The following UBE2G1 variants were observed in gnomAD, a reference collection of about 807,000 sequenced individuals.
The protein encoded by UBE2G1 is ubiquitin-conjugating enzyme E2 G1.
Under a neutral mutation model 22.7 loss-of-function variants are expected in UBE2G1, and 5 were observed. The ratio of observed to expected loss-of-function variants is 0.22; its 90% CI spans 0.12 to 0.46. The LOEUF is 0.46. Among genes scored for constraint, UBE2G1 ranks in the 20% least tolerant of loss-of-function variants. The pLI is 0.99. For missense variants in UBE2G1, 88 were observed against 203.9 expected (o/e 0.43, Z 3.46); for synonymous variants, 74 against 67.5 (o/e 1.10, Z -0.47).
chr17:4,282,762 A>T, intron 5 of UBE2G1, 36 bp downstream of exon 5: 1 of 1,431,658 alleles, frequency 7.0e-7, no homozygotes, highest in East Asian at 2.4e-5. Context: ...GGATACTTAC[A>T]AAAAAACAAA....
At chr17:4,359,200 AACTT>A (rs1474415091) in intron 1 of UBE2G1, among the ~76,000 whole-genome samples, 1 of 152,216 alleles carries the variant, frequency 6.6e-6, no homozygotes, top group Non-Finnish European at 1.5e-5. Flanking sequence ...CTATTTGATA[AACTT>A]ACTTAAAAGC....
chr17:4,364,188 C>G (rs1970002736), intron 1 of UBE2G1: 2 of 143,864 alleles, frequency 1.4e-5, no homozygotes, highest in African/African-American at 5.1e-5. Flanking sequence ...CACTTGAACC[C>G]AGGAGGCAGA....
intron 1 of UBE2G1, among the ~76,000 whole-genome samples, chr17:4,343,435 C>T (rs890128596): frequency 1.3e-5 from 2 of 151,832 alleles, no homozygotes; most frequent in South Asian, 2.1e-4. Context: ...ACCCAGGAGG[C>T]GGAGGTTGCA....
chr17:4,281,540 C>T (rs1274627176), intron 5 of UBE2G1, among the ~76,000 whole-genome samples: 1 of 152,142 alleles, frequency 6.6e-6, no homozygotes, highest in African/African-American at 2.4e-5. Context: ...CCTCAACCCC[C>T]ACAAATCAAT....
intron 1 of UBE2G1, among the ~76,000 whole-genome samples, chr17:4,354,985 T>TAGGG (rs1337627000): frequency 6.6e-6 from 1 of 151,506 alleles, no homozygotes. Flanking sequence ...GTCCCAGCTA[T>TAGGG]AGGGAGGGAG....
intron 1 of UBE2G1, among the ~76,000 whole-genome samples, chr17:4,318,094 T>A (rs1390857570): frequency 2.0e-5 from 3 of 152,184 alleles, no homozygotes; most frequent in African/African-American, 4.8e-5. Flanking sequence ...ATTTTCCTTA[T>A]CAGTAAAGGA....
intron 1 of UBE2G1, among the ~76,000 whole-genome samples, chr17:4,312,673 G>T (rs1248721405): frequency 6.8e-6 from 1 of 147,226 alleles, no homozygotes; most frequent in African/African-American, 2.5e-5. Context: ...TCCAGCCTGG[G>T]CGATAGAGCA....
chr17:4,327,263 C>T (rs898151609), intron 1 of UBE2G1, among the ~76,000 whole-genome samples: 25 of 152,204 alleles, frequency 1.6e-4, no homozygotes, highest in African/African-American at 5.1e-4. Context: ...CGCCACTGCA[C>T]TCCAGCCTGG....
At chr17:4,358,968 AAAAAAAAAAAGG>A (rs1163355922) in intron 1 of UBE2G1, among the ~76,000 whole-genome samples, 1 of 147,942 alleles carries the variant, frequency 6.8e-6, no homozygotes, top group Non-Finnish European at 1.5e-5. Context: ...AATAAAATTA[AAAAAAAAAAAGG>A]AAAAAGAACT....
At chr17:4,294,415 C>CAAAAAA (rs68047533) in intron 3 of UBE2G1, among the ~76,000 whole-genome samples, 7 of 117,168 alleles carry the variant, frequency 6.0e-5, no homozygotes, top group African/African-American at 2.2e-4. Context: ...GACTCCGTCT[C>CAAAAAA]AAAAAAAAAA....
intron 1 of UBE2G1, among the ~76,000 whole-genome samples, chr17:4,349,903 A>C (rs919009675): frequency 2.0e-5 from 3 of 152,108 alleles, no homozygotes; most frequent in Admixed American, 1.3e-4. Flanking sequence ...CTGTAATATA[A>C]CATCTTCACA....
intron 1 of UBE2G1, among the ~76,000 whole-genome samples, chr17:4,320,918 GT>G (rs1969429639): frequency 6.6e-6 from 1 of 151,876 alleles, no homozygotes; most frequent in Admixed American, 6.6e-5. Context: ...GCTGAGAGGA[GT>G]GAAAAAAACA....
chr17:4,317,909 T>C (rs546421439), intron 1 of UBE2G1, among the ~76,000 whole-genome samples: 51 of 152,328 alleles, frequency 3.3e-4, no homozygotes, highest in African/African-American at 1.2e-3. Flanking sequence ...TAGTTTATAG[T>C]GTCACACAAA....
chr17:4,298,215 C>G (rs1172954012), intron 2 of UBE2G1, among the ~76,000 whole-genome samples: 1 of 152,146 alleles, frequency 6.6e-6, no homozygotes, highest in Non-Finnish European at 1.5e-5. Flanking sequence ...ATTCTAGCTA[C>G]TTGAGAGGCT....
chr17:4,351,265 T>C (rs903490868), intron 1 of UBE2G1, among the ~76,000 whole-genome samples: 4 of 152,162 alleles, frequency 2.6e-5, no homozygotes, highest in Non-Finnish European at 5.9e-5. Context: ...AGTTCTTCTG[T>C]GTATCTGAAA....
intron 2 of UBE2G1, chr17:4,302,340 A>T: frequency 2.1e-6 from 1 of 486,126 alleles, no homozygotes; most frequent in Non-Finnish European, 4.2e-6. Flanking sequence ...GTCCCACATG[A>T]TGCTGGCCTT....
chr17:4,310,699 G>A, intron 1 of UBE2G1, among the ~76,000 whole-genome samples: 1 of 152,090 alleles, frequency 6.6e-6, no homozygotes, highest in African/African-American at 2.4e-5. Flanking sequence ...GACCTCATGA[G>A]ATTTACATTT....
chr17:4,337,962 A>G (rs1969668168), intron 1 of UBE2G1, among the ~76,000 whole-genome samples: 1 of 152,028 alleles, frequency 6.6e-6, no homozygotes, highest in Non-Finnish European at 1.5e-5. Flanking sequence ...CGAGGTCAGG[A>G]GATCAAGACC....
At chr17:4,333,323 A>G (rs974185289) in intron 1 of UBE2G1, among the ~76,000 whole-genome samples, 4 of 152,176 alleles carry the variant, frequency 2.6e-5, no homozygotes, top group African/African-American at 9.7e-5. Context: ...CATCATTTTA[A>G]AAGAAGAGAA....
Sources: gnomAD v4.1 joint callset for allele counts (sites outside exome capture counted in the v4.1 genomes callset) on GRCh38, gnomAD v4.1.1 for gene constraint, MANE v1.5 for transcripts, NCBI Gene and HGNC (gene_info 2026-07-23, HGNC 2026-07-21) for gene names.